The following TAF1 variants were observed in gnomAD, a reference collection of about 807,000 sequenced individuals.
TAF1 encodes transcription initiation factor TFIID subunit 1.
TAF1 carries 2 observed loss-of-function variants against 138.5 expected under a neutral mutation model. The observed-to-expected ratio is 0.01, with a 90% CI of 0.01 to 0.05. The LOEUF is 0.05. TAF1 is among the 10% of genes least tolerant of loss of function. The pLI is 1.00. For synonymous variants in TAF1, 437 were observed against 503.2 expected (o/e 0.87, Z 1.76); for missense variants, 709 against 1,478.0 (o/e 0.48, Z 8.53).
At chrX:71,393,181 C>A in intron 20 of TAF1, 120 bp from the exon 21 acceptor site, 2 of 1,092,799 alleles carry the variant, frequency 1.8e-6, no homozygotes, top group South Asian at 4.6e-5. Flanking sequence ...CTTTTTTGGT[C>A]TAACTGTGTA....
chrX:71,423,912 G>T, intron 30 of TAF1, 62 bp from the exon 31 acceptor site: 1 of 900,798 alleles, frequency 1.1e-6, no homozygotes, highest in Non-Finnish European at 1.6e-6. Flanking sequence ...CCCAACAAAG[G>T]TGGTGAAATT....
intron 1 of TAF1, among the ~76,000 whole-genome samples, chrX:71,366,850 C>G (rs28382146): frequency 1.5e-3 from 170 of 111,542 alleles, no homozygotes; most frequent in African/African-American, 5.3e-3. Flanking sequence ...CCTCTGACAT[C>G]GCTGCCCTGA....
chrX:71,515,618 A>T (rs1426953732), intron 13 of TAF1, among the ~76,000 whole-genome samples: 3 of 111,357 alleles, frequency 2.7e-5, no homozygotes, highest in African/African-American at 9.8e-5. Flanking sequence ...AATACTATAT[A>T]TGAAAGTTAC....
At chrX:71,442,241 A>G (rs2037467186) in intron 32 of TAF1, among the ~76,000 whole-genome samples, 1 of 112,391 alleles carries the variant, frequency 8.9e-6, no homozygotes. Context: ...GAATCACCAC[A>G]CTGTCTTCCA....
chrX:71,527,140 C>T (rs1293019273), intron 13 of TAF1, among the ~76,000 whole-genome samples: 1 of 109,696 alleles, frequency 9.1e-6, no homozygotes, highest in Non-Finnish European at 1.9e-5. Context: ...AATCCCAGCA[C>T]TTTGGGAGGC....
intron 13 of TAF1, among the ~76,000 whole-genome samples, 178 bp downstream of exon 13, chrX:71,384,313 CA>C (rs1335272018): frequency 1.8e-5 from 2 of 111,595 alleles, no homozygotes; most frequent in Non-Finnish European, 3.8e-5. Flanking sequence ...AATCTGTGAA[CA>C]TATACCATAA....
At chrX:71,420,895 G>T (rs1482612337) in intron 28 of TAF1, among the ~76,000 whole-genome samples, 1 of 110,374 alleles carries the variant, frequency 9.1e-6, no homozygotes, top group Non-Finnish European at 1.9e-5. Flanking sequence ...CCCCCTCCCC[G>T]GCCTCCCCAC....
Position 71,406,699 on chromosome X carries a change from A to G in TAF1, c.4060A>G (p.Lys1354Glu). 1 of 1,210,723 alleles carries G rather than the reference A, an allele frequency of 8.3e-7. No homozygotes were observed. Among genetic ancestry groups the G allele is most frequent in the Non-Finnish European group, 1.1e-6 (1 of 895,166 alleles). ...GTTTCCTAAACAGCAGCTTCCTCCA[A>G]AGAAGAAACGGCGAGTTGGAACCAC... is the stretch of plus-strand genomic sequence containing the variant. The part of the protein sequence containing the change: ...LKFPKQQLPP[K>E]KKRRVGTTVH... The change falls in exon 26 of 38, where the codon AAG becomes GAG. Residue 1354 changes from lysine (K) to glutamate (E), a missense_variant. This residue lies in a region of TAF1 where 63 missense variants were observed against 163.3 expected (regional missense o/e 0.39). Transcript: ENST00000423759.
At chrX:71,399,711 C>G (rs1477687333) in intron 24 of TAF1, among the ~76,000 whole-genome samples, 1 of 108,736 alleles carries the variant, frequency 9.2e-6, no homozygotes, top group Non-Finnish European at 1.9e-5. Context: ...AGCTGTGCTA[C>G]CAGGCATGTG....
Position 71,377,154 on chromosome X carries a change from G to C in TAF1, c.677G>C (p.Ser226Thr). 1 of 1,211,643 alleles carries C rather than the reference G, an allele frequency of 8.3e-7. No individual in the cohort carries two copies. The highest frequency in any genetic ancestry group is 1.7e-5 in the African/African-American group (1 of 57,753). The change falls in exon 5 of 38, where the codon AGT becomes ACT. Residue 226 changes from serine to threonine, a missense_variant. By Grantham distance (58) the Ser-to-Thr change is moderately conservative (BLOSUM62 1). This residue lies in a region of TAF1 where 16 missense variants were observed against 42.1 expected (regional missense o/e 0.38). Coordinates refer to ENST00000423759, the MANE Select transcript of TAF1 (RefSeq NM_004606.5). ...CATGATGCCACCAAGCTGTTGCCAA[G>C]TGTCACAGAACTTTTTCCAGAATTT... is the stretch of plus-strand genomic sequence containing the variant. ...MQHDATKLLP[S>T]VTELFPEFRP...
At position 71,382,950 on chromosome X, in the gene TAF1, A is replaced by T. The variant is rs756471356; in HGVS notation, c.1774-41A>T. 3.4e-6 allele frequency: 4 copies of T among 1,193,091 alleles called. No individual in the cohort carries two copies. In the Admixed American group the frequency reaches 9.3e-5, roughly 28 times the overall value. ...AGGATATGGGAAAATCTTGCTTAGG[A>T]TGGAATTAGCTAATTTTAACCCTTC... is the stretch of plus-strand genomic sequence containing the variant. On this transcript the variant is annotated intron_variant, in intron 11 of 37. Transcript: ENST00000423759.
At chrX:71,426,287 C>T in intron 32 of TAF1, among the ~76,000 whole-genome samples, 1 of 111,502 alleles carries the variant, frequency 9.0e-6, no homozygotes, top group South Asian at 3.8e-4. Context: ...CACACCCATC[C>T]AGAAGAGAGT....
At position 71,397,380 on chromosome X, in the gene TAF1, A is replaced by G. The variant is rs1454114634; in HGVS notation, c.3534A>G (p.Lys1178=). The G allele has an allele frequency of 8.3e-7, 1 of 1,211,809 alleles. No individual in the cohort carries two copies. Among genetic ancestry groups the G allele is most frequent in the Non-Finnish European group, 1.1e-6 (1 of 895,565 alleles). ...IYRTFRDEEG[K]EYVRCETVRK... is the part of the protein sequence containing the mutation. ...GCACGTTTCGAGATGAAGAGGGGAA[A>G]GAGTATGTTCGCTGTGAGACAGTCC... The change falls in exon 23 of 38, where the codon AAA becomes AAG. Residue 1178 remains lysine, a synonymous_variant. Transcript: ENST00000423759.
intron 13 of TAF1, among the ~76,000 whole-genome samples, chrX:71,475,584 CAAA>C (rs78014278): frequency 4.8e-5 from 2 of 41,482 alleles, no homozygotes; most frequent in Non-Finnish European, 4.3e-5. Flanking sequence ...GACTCCGTTT[CAAA>C]AAAAAAAAAA....
chrX:71,412,923 G>C (rs938058571), intron 28 of TAF1, among the ~76,000 whole-genome samples: 6 of 111,571 alleles, frequency 5.4e-5, no homozygotes, highest in Non-Finnish European at 1.1e-4. Context: ...AGGCAAGTAA[G>C]ACAGTTAAGG....
intron 13 of TAF1, among the ~76,000 whole-genome samples, chrX:71,507,521 C>T (rs1261558313): frequency 5.4e-5 from 6 of 111,188 alleles, no homozygotes; most frequent in Non-Finnish European, 1.1e-4. Context: ...TGAGCCACCA[C>T]GCTTGGCCAC....
chrX:71,470,676 C>G (rs1460855282), downstream of TAF1, among the ~76,000 whole-genome samples: 4 of 106,917 alleles, frequency 3.7e-5, no homozygotes, highest in Non-Finnish European at 7.7e-5. Context: ...TGTGCCCAAG[C>G]CCTTCCATTC....
At chrX:71,379,079 A>T in intron 8 of TAF1, 48 bp downstream of exon 8, 1 of 941,329 alleles carries the variant, frequency 1.1e-6, no homozygotes, top group Non-Finnish European at 1.5e-6. Context: ...CCTTAATCTT[A>T]GTCACCATAA....
intron 25 of TAF1, among the ~76,000 whole-genome samples, chrX:71,404,947 C>T (rs1363110009): frequency 2.0e-5 from 2 of 101,755 alleles, no homozygotes; most frequent in African/African-American, 7.1e-5. Context: ...TAGGTTATTC[C>T]AAACTTTTTT....
Sources: gnomAD v4.1 joint callset for allele counts (sites outside exome capture counted in the v4.1 genomes callset) on GRCh38, gnomAD v4.1.1 for gene constraint, gnomAD v4.1.1 regional missense constraint, MANE v1.5 for transcripts, NCBI Gene and HGNC (gene_info 2026-07-23, HGNC 2026-07-21) for gene names.